Variants in ARSB observed in about 807,000 individuals in gnomAD.
The protein encoded by ARSB is arylsulfatase B, also known as N-acetylgalactosamine-4-sulfatase.
In ARSB, 41 loss-of-function variants were observed where a neutral mutation model predicts 50.9. That is an observed-to-expected ratio of 0.81 (90% CI 0.63 to 1.04). The LOEUF (loss-of-function observed/expected upper bound fraction) is 1.04. Among genes scored for constraint, ARSB ranks in the 50% least tolerant of loss-of-function variants. The pLI is 0.00. For synonymous variants in ARSB, 269 were observed against 284.8 expected, an observed-to-expected ratio of 0.94 and a Z score of 0.56; for missense variants, 672 against 693.3, an observed-to-expected ratio of 0.97 and a Z score of 0.35.
At chr5:78,797,286 C>T (rs552207457) in intron 6 of ARSB, among the ~76,000 whole-genome samples, 1 of 152,346 alleles carries the variant, frequency 6.6e-6, no homozygotes, top group African/African-American at 2.4e-5. Context: ...TTTTCAGCCT[C>T]ATTTGCTTAT....
intron 4 of ARSB, among the ~76,000 whole-genome samples, chr5:78,901,235 T>G (rs1337138811): frequency 1.3e-5 from 2 of 152,122 alleles, no homozygotes; most frequent in Non-Finnish European, 2.9e-5. Flanking sequence ...TCTGCAATCT[T>G]AATTCCCCTT....
chr5:78,859,960 C>G (rs767408836), intron 5 of ARSB, among the ~76,000 whole-genome samples: 2 of 152,096 alleles, frequency 1.3e-5, no homozygotes, highest in African/African-American at 2.4e-5. Flanking sequence ...CCCTTTTATC[C>G]AAAAGGTTGG....
intron 5 of ARSB, among the ~76,000 whole-genome samples, chr5:78,844,246 G>A (rs1445256918): frequency 3.3e-5 from 5 of 152,156 alleles, no homozygotes; most frequent in Non-Finnish European, 7.4e-5. Flanking sequence ...TCTAGTTGGT[G>A]TAAAGTGATA....
At chr5:78,921,862 C>G (rs151075433) in intron 4 of ARSB, among the ~76,000 whole-genome samples, 162 of 152,256 alleles carry the variant, frequency 1.1e-3, no homozygotes, top group African/African-American at 3.8e-3. Context: ...ACACATCTCC[C>G]CAGTAGCAGC....
Position 78,985,020 on chromosome 5 carries a change from C to T in ARSB, c.229G>A (p.Ala77Thr), listed in dbSNP as rs1179078761. 2 of 1,540,610 alleles carry T rather than the reference C, an allele frequency of 1.3e-6. No homozygotes were observed. The highest frequency in any genetic ancestry group is 2.7e-5 in the East Asian group (1 of 37,258). Residue 77 changes from alanine (A) to threonine (T), a missense_variant, in exon 1 of 8, where the codon GCC becomes ACC. Ala to Thr is a moderately conservative substitution (Grantham distance 58). Coordinates refer to ENST00000264914, the MANE Select transcript of ARSB (RefSeq NM_000046.5). ...TAGTTGTCCAGGAGCACCCCGCCGG[C>T]CGCCAGCGCGTCCAGGTGCGGCGTG... is the stretch of plus-strand genomic sequence containing the variant. ...IRTPHLDALAAGGVLLDNYYT... is the reference protein window; with the variant it reads ...IRTPHLDALATGGVLLDNYYT...
intron 3 of ARSB, among the ~76,000 whole-genome samples, chr5:78,959,926 C>G (rs745579732): frequency 1.6e-4 from 25 of 152,320 alleles, no homozygotes; most frequent in Admixed American, 3.3e-4. Context: ...TGCCTGTGAA[C>G]AGCTGTGGTC....
intron 6 of ARSB, among the ~76,000 whole-genome samples, chr5:78,824,575 AC>A (rs1744358976): frequency 6.6e-6 from 1 of 152,168 alleles, no homozygotes; most frequent in African/African-American, 2.4e-5. Flanking sequence ...AGGGTAATAG[AC>A]CAGATGTGTG....
At chr5:78,936,092 T>C in intron 4 of ARSB, among the ~76,000 whole-genome samples, 1 of 97,544 alleles carries the variant, frequency 1.0e-5, no homozygotes, top group Non-Finnish European at 1.9e-5. Context: ...CCTCCCCGCC[T>C]CTCTCTCTTT....
chr5:78,865,772 ATC>A (rs920388750), intron 5 of ARSB, among the ~76,000 whole-genome samples: 42 of 152,122 alleles, frequency 2.8e-4, no homozygotes, highest in African/African-American at 1.0e-3. Context: ...ACCCTAAATC[ATC>A]TCTCTCAAAT....
chr5:78,902,851 T>C (rs1218379755), intron 4 of ARSB, among the ~76,000 whole-genome samples: 2 of 152,180 alleles, frequency 1.3e-5, no homozygotes, highest in Non-Finnish European at 2.9e-5. Context: ...ATGGTGATGA[T>C]TGCACAACTT....
chr5:78,855,009 GAC>G (rs1746065713), intron 5 of ARSB, among the ~76,000 whole-genome samples: 5 of 152,146 alleles, frequency 3.3e-5, no homozygotes, highest in African/African-American at 1.2e-4. Flanking sequence ...GCACAGCAAT[GAC>G]TCCACTCCCC....
At chr5:78,863,905 T>TAAGAACATG (rs1438483799) in intron 5 of ARSB, among the ~76,000 whole-genome samples, 1 of 148,074 alleles carries the variant, frequency 6.8e-6, no homozygotes, top group Non-Finnish European at 1.5e-5. Flanking sequence ...AATAAGAACC[T>TAAGAACATG]AAGAACATGT....
At position 78,780,275 on chromosome 5, in the gene ARSB, T is replaced by C. The variant is rs1162155474; in HGVS notation, c.*122A>G. ...GGGGTTGAAATTAGACACCTCGGTG[T>C]GGTTTAAGAGCAAGAGAAGGGCCAA... On this transcript the variant is annotated 3_prime_UTR_variant, in exon 8 of 8. Transcript: ENST00000264914. 2 of 1,333,514 alleles carry C rather than the reference T, an allele frequency of 1.5e-6. No homozygotes were observed. The highest frequency in any genetic ancestry group is 4.6e-5 in the East Asian group (2 of 43,054). The allele number at this position is 1,333,514 out of a possible 1,614,324, so 82.6% of individuals were successfully genotyped here.
chr5:78,783,710 A>G lies in ARSB; in HGVS notation c.1214-1736T>C, dbSNP rs144233507. Among the ~76,000 whole-genome samples, 608 of 152,314 alleles carry G rather than the reference A, an allele frequency of 4.0e-3. 11 individuals carry two copies. The highest frequency in any genetic ancestry group is 0.014 in the African/African-American group (582 of 41,574). On this transcript the variant is annotated intron_variant, in intron 6 of 7. Coordinates refer to ENST00000264914, the MANE Select transcript of ARSB (RefSeq NM_000046.5). Reference sequence around the variant, plus strand: ...TGAAGGCCACATTTTGATACCAAAGAATGTTAAATAAAACAAGCATGTTTT... The same window carrying G: ...TGAAGGCCACATTTTGATACCAAAGGATGTTAAATAAAACAAGCATGTTTT...
chr5:78,959,583 T>TAAAATAA (rs1250098564), intron 3 of ARSB, among the ~76,000 whole-genome samples: 9 of 152,284 alleles, frequency 5.9e-5, no homozygotes, highest in Admixed American at 3.3e-4. Flanking sequence ...TTGACACTCT[T>TAAAATAA]GAGGGGTTAA....
At chr5:78,867,049 G>T (rs1289799377) in intron 5 of ARSB, among the ~76,000 whole-genome samples, 1 of 152,186 alleles carries the variant, frequency 6.6e-6, no homozygotes, top group African/African-American at 2.4e-5. Flanking sequence ...GTCAAAGAAA[G>T]GGGTGACAGA....
intron 4 of ARSB, among the ~76,000 whole-genome samples, chr5:78,935,931 C>G (rs1240342624): frequency 5.6e-5 from 5 of 90,008 alleles, no homozygotes; most frequent in East Asian, 9.1e-4. Context: ...CCCCTCTCCT[C>G]CACTCCCCTC....
chr5:78,821,728 T>TA lies in ARSB; in HGVS notation c.1213+17627dup, dbSNP rs145023862. Among the ~76,000 whole-genome samples, 314 of 152,358 alleles carry TA rather than the reference T, an allele frequency of 2.1e-3. 1 individual carries two copies. Among genetic ancestry groups the TA allele is most frequent in the Non-Finnish European group, 3.2e-3 (217 of 68,032 alleles). ...TCTACTTATTAGCTCAAGATTTCAA[T>TA]AACACTTTGCCAGCAATGACTTTCC... On this transcript the variant is annotated intron_variant, in intron 6 of 7. Coordinates refer to ENST00000264914, the MANE Select transcript of ARSB (RefSeq NM_000046.5).
intron 4 of ARSB, 95 bp downstream of exon 4, chr5:78,955,200 G>A: frequency 8.2e-7 from 1 of 1,218,682 alleles, no homozygotes; most frequent in Non-Finnish European, 1.2e-6. Context: ...ATTTTAATAA[G>A]GCAATGCTAA....
Sources: allele counts gnomAD v4.1 joint callset (sites outside exome capture counted in the v4.1 genomes callset), GRCh38; gene constraint gnomAD v4.1.1; transcripts MANE v1.5; gene names NCBI Gene and HGNC (gene_info 2026-07-23, HGNC 2026-07-21).